PPM1G: variants seen among roughly 807,000 people sequenced by gnomAD.
PPM1G encodes protein phosphatase 1G.
Under a neutral mutation model 59.4 loss-of-function variants are expected in PPM1G, and 12 were observed. The observed-to-expected ratio is 0.20, with a 90% CI of 0.13 to 0.33. The LOEUF (loss-of-function observed/expected upper bound fraction) is 0.33, where lower values mean the gene tolerates loss of function less well. PPM1G is among the 10% of genes least tolerant of loss of function. PPM1G has a pLI of 1.00. For synonymous variants in PPM1G, 245 were observed against 251.9 expected, an observed-to-expected ratio of 0.97 and a Z score of 0.26; for missense variants, 392 against 681.3, an observed-to-expected ratio of 0.58 and a Z score of 4.73.
At chr2:27,402,415 T>C (rs10178379) in intron 1 of PPM1G, among the ~76,000 whole-genome samples, 1 of 152,184 alleles carries the variant, frequency 6.6e-6, no homozygotes, top group African/African-American at 2.4e-5. Context: ...AATCAGACAA[T>C]AGAACTTTGT....
At chr2:27,405,855 T>G (rs1208008284) in intron 1 of PPM1G, among the ~76,000 whole-genome samples, 1 of 151,734 alleles carries the variant, frequency 6.6e-6, no homozygotes, top group Non-Finnish European at 1.5e-5. Flanking sequence ...AATACAAAAT[T>G]AGCCAGGCGT....
At chr2:27,388,640 C>T (rs1037128118) in intron 1 of PPM1G, among the ~76,000 whole-genome samples, 8 of 151,910 alleles carry the variant, frequency 5.3e-5, no homozygotes, top group African/African-American at 1.9e-4. Flanking sequence ...CTTTGGGAGG[C>T]CCAGGCAGGC....
chr2:27,398,346 A>G (rs1489783401), intron 1 of PPM1G, among the ~76,000 whole-genome samples: 2 of 152,238 alleles, frequency 1.3e-5, no homozygotes, highest in Admixed American at 6.5e-5. Flanking sequence ...CATACCATTC[A>G]CAAAAATTCA....
rs1663464908 is a variant in PPM1G at position 27,409,477 on chromosome 2, G to A, written c.-55C>T. 3 of 1,420,178 alleles carry A rather than the reference G, an allele frequency of 2.1e-6. No individual in the cohort carries two copies. The highest frequency in any genetic ancestry group is 9.2e-7 in the Non-Finnish European group (1 of 1,091,014). 88.0% of individuals were successfully genotyped at this position (1,420,178 alleles called of 1,614,324 possible). ...AGGAAAGCTGGGCGCGACCCGTGCC[G>A]GAGCCGAAGCCCCGGGGGTGCGCGC... On this transcript the variant is annotated 5_prime_UTR_variant, in exon 1 of 10. Coordinates refer to ENST00000344034, the MANE Select transcript of PPM1G (RefSeq NM_177983.3).
chr2:27,385,014 G>A lies in PPM1G; in HGVS notation c.484C>T (p.Gln162Ter). 6.2e-7 allele frequency: 1 copy of A among 1,614,060 alleles called. No homozygotes were observed. The highest frequency in any genetic ancestry group is 8.5e-7 in the Non-Finnish European group (1 of 1,180,040). ...TGGGGAGGGCCCTTGTGACAGTTCT[G>A]CCCGTAGCGTGTCAGCAGCTCTTCA... is the stretch of plus-strand genomic sequence containing the variant. ...TIEELLTRYG[Q>*]NCHKGPPHSK... The change falls in exon 5 of 10, where the codon CAG becomes TAG. Residue 162 changes from glutamine (Q) to a stop codon, truncating the protein, a stop_gained. Transcript: ENST00000344034. LOFTEE classifies it high-confidence loss of function. This position sits in a 1 kb window ranked among gnomAD's most constrained non-coding sequence, Gnocchi z 4.1.
intron 1 of PPM1G, among the ~76,000 whole-genome samples, chr2:27,405,198 G>A (rs941452685): frequency 2.7e-5 from 4 of 149,950 alleles, no homozygotes; most frequent in Admixed American, 6.7e-5. Context: ...CTCAGCCTCC[G>A]GAGTAGCTGG....
intron 1 of PPM1G, chr2:27,393,493 C>T (rs996871602): frequency 6.9e-6 from 5 of 724,776 alleles, no homozygotes; most frequent in East Asian, 2.7e-5. Context: ...TATGGGCGGC[C>T]GGCCGGGGTG....
Position 27,387,152 on chromosome 2 carries a change from G to A in PPM1G, c.127C>T (p.His43Tyr). 6.2e-7 allele frequency: 1 copy of A among 1,612,028 alleles called. No homozygotes were observed. The highest frequency in any genetic ancestry group is 8.5e-7 in the Non-Finnish European group (1 of 1,178,132). Residue 43 changes from histidine (H) to tyrosine (Y), a missense_variant, in exon 2 of 10, where the codon CAC (histidine) becomes TAC (tyrosine). By Grantham distance (83) the His-to-Tyr change is moderately conservative (BLOSUM62 2). Around this residue, in one of 6 missense-constraint regions of PPM1G, gnomAD observed 68 missense variants for 145.9 expected, o/e 0.47. Coordinates refer to ENST00000344034, the MANE Select transcript of PPM1G (RefSeq NM_177983.3). The stretch of plus-strand genomic sequence containing the variant: ...CTGTCCAGCTCAGGAATACAGTTGT[G>A]AGCATCCTAGGAAAAGAAGAGCATA... ...QGWRVSMEDA[H>Y]NCIPELDSET...
intron 1 of PPM1G, among the ~76,000 whole-genome samples, chr2:27,389,572 A>G (rs982177848): frequency 6.6e-6 from 1 of 152,122 alleles, no homozygotes; most frequent in African/African-American, 2.4e-5. Context: ...GTATTTCAAC[A>G]TGGTCTCTTA....
chr2:27,385,844 T>C lies in PPM1G; in HGVS notation c.312A>G (p.Lys104=). 1 of 1,614,022 alleles carries C rather than the reference T, an allele frequency of 6.2e-7. No homozygotes were observed. Among genetic ancestry groups the C allele is most frequent in the Non-Finnish European group, 8.5e-7 (1 of 1,179,988 alleles). ...LEDAFLAIDA[K]LTTEEVIKEL... is the part of the protein sequence containing the mutation. ...CTTTAATGACTTCTTCAGTGGTCAA[T>C]TTGGCGTCAATAGCCAAGAAGGCAT... is the stretch of plus-strand genomic sequence containing the variant. The change falls in exon 4 of 10, where the codon AAA becomes AAG. Residue 104 remains lysine, a synonymous_variant. Transcript: ENST00000344034. The surrounding 1 kb of genome is among the most constrained non-coding windows in gnomAD (Gnocchi z 4.1).
At chr2:27,391,847 T>G (rs1387832238) in intron 1 of PPM1G, among the ~76,000 whole-genome samples, 1 of 151,712 alleles carries the variant, frequency 6.6e-6, no homozygotes, top group East Asian at 1.9e-4. Context: ...TTCTCCTGCC[T>G]CAGCCTCCTG....
At chr2:27,399,200 T>G (rs2148425939) in intron 1 of PPM1G, among the ~76,000 whole-genome samples, 1 of 150,972 alleles carries the variant, frequency 6.6e-6, no homozygotes, top group South Asian at 2.1e-4. Flanking sequence ...AAAGCAAAAG[T>G]CCACAAAAAT....
intron 1 of PPM1G, among the ~76,000 whole-genome samples, chr2:27,402,580 G>A (rs1193712178): frequency 6.6e-6 from 1 of 152,072 alleles, no homozygotes; most frequent in Non-Finnish European, 1.5e-5. Flanking sequence ...GCCGATGTGG[G>A]TGGATCACGA....
chr2:27,401,088 T>C (rs2148426720), intron 1 of PPM1G, among the ~76,000 whole-genome samples: 1 of 152,256 alleles, frequency 6.6e-6, no homozygotes, highest in East Asian at 1.9e-4. Flanking sequence ...AAGAGATTTC[T>C]GATTCTATTA....
In PPM1G at chr2:27,383,328, A is replaced by G; in HGVS notation, c.1201+38T>C. 1.3e-6 allele frequency: 2 copies of G among 1,586,834 alleles called. No individual in the cohort carries two copies. The highest frequency in any genetic ancestry group is 1.7e-6 in the Non-Finnish European group (2 of 1,156,056). The stretch of plus-strand genomic sequence containing the variant: ...TACTAGGTAGTCTGGGACAGAGAGA[A>G]AGACCCTAGAAGTCTTTCCCAGTTT... On this transcript the variant is annotated intron_variant, in intron 7 of 9. Coordinates refer to ENST00000344034, the MANE Select transcript of PPM1G (RefSeq NM_177983.3). This position sits in a 1 kb window ranked among gnomAD's most constrained non-coding sequence, Gnocchi z 5.0.
At chr2:27,393,292 T>C (rs1175342145) in intron 1 of PPM1G, 1 of 1,597,716 alleles carries the variant, frequency 6.3e-7, no homozygotes, top group Non-Finnish European at 8.5e-7. Flanking sequence ...AGCTCCAGGT[T>C]GATCTGGCGG....
Position 27,382,882 on chromosome 2 carries a change from A to C in PPM1G, c.1202-277T>G, listed in dbSNP as rs924153982. Among the ~76,000 whole-genome samples, 1 of 150,642 alleles carries C rather than the reference A, an allele frequency of 6.6e-6. No homozygotes were observed. Among genetic ancestry groups the C allele is most frequent in the African/African-American group, 2.4e-5 (1 of 40,834 alleles). ...CTCTTGTAGCCCAGGCTGGAGTGTA[A>C]TGGCACGATCTCGGCTCACTACAAC... On this transcript the variant is annotated intron_variant, in intron 7 of 9. Coordinates refer to ENST00000344034, the MANE Select transcript of PPM1G (RefSeq NM_177983.3). This position sits in a 1 kb window ranked among gnomAD's most constrained non-coding sequence, Gnocchi z 4.2.
chr2:27,405,773 C>A (rs1056944532), intron 1 of PPM1G, among the ~76,000 whole-genome samples: 2 of 151,610 alleles, frequency 1.3e-5, no homozygotes, highest in Admixed American at 1.3e-4. Context: ...GAGGCAGAGG[C>A]GGGCCGATCA....
chr2:27,400,282 G>C (rs993487349), intron 1 of PPM1G, among the ~76,000 whole-genome samples: 1 of 152,000 alleles, frequency 6.6e-6, no homozygotes, highest in Admixed American at 6.6e-5. Flanking sequence ...GGTACCTGTA[G>C]TCCCAGCTAC....
Sources: gnomAD v4.1 joint callset for allele counts (sites outside exome capture counted in the v4.1 genomes callset) on GRCh38, gnomAD v4.1.1 for gene constraint, gnomAD v4.1.1 regional missense constraint, Gnocchi (gnomAD v3.1) non-coding constraint, MANE v1.5 for transcripts, NCBI Gene and HGNC (gene_info 2026-07-23, HGNC 2026-07-21) for gene names.